VWA5B1: variants seen among roughly 807,000 people sequenced by gnomAD.
VWA5B1 encodes the protein von Willebrand factor A domain-containing protein 5B1.
Under a neutral mutation model 118.2 loss-of-function variants are expected in VWA5B1, and 115 were observed. The observed-to-expected ratio is 0.97, with a 90% CI of 0.84 to 1.14. The LOEUF is 1.14. Ranked by LOEUF, VWA5B1 falls within the 50% of genes most tolerant of loss-of-function variation. VWA5B1 has a pLI of 0.00. For missense variants in VWA5B1, 1,596 were observed against 1,603.8 expected (o/e 1.00, Z 0.08); for synonymous variants, 682 against 658.4 (o/e 1.04, Z -0.55).
Position 20,357,057 on chromosome 1 carries a change from C to A in VWA5B1, c.*2794C>A, listed in dbSNP as rs1191823301. Among the ~76,000 whole-genome samples the A allele has an allele frequency of 1.3e-5, 2 of 152,214 alleles. No homozygotes were observed. The highest frequency in any genetic ancestry group is 4.8e-5 in the African/African-American group (2 of 41,452). ...AATCTGGTTTAACTTGCTAAACCAG[C>A]CCTTGCTTTCTAGGTCATACAAAGG... On this transcript the variant is annotated 3_prime_UTR_variant, in exon 22 of 22. Transcript: ENST00000289815.
intron 1 of VWA5B1, among the ~76,000 whole-genome samples, chr1:20,300,330 C>T (rs969793997): frequency 6.6e-6 from 1 of 152,152 alleles, no homozygotes; most frequent in Non-Finnish European, 1.5e-5. Flanking sequence ...TGGGTTGTCT[C>T]TCAGAGCAGC....
intron 1 of VWA5B1, among the ~76,000 whole-genome samples, chr1:20,308,439 C>G (rs944287255): frequency 8.5e-5 from 13 of 152,122 alleles, no homozygotes; most frequent in Non-Finnish European, 1.6e-4. Flanking sequence ...GCTGCGTTCC[C>G]CAATCAGCAT....
chr1:20,352,247 C>G, intron 21 of VWA5B1, 75 bp downstream of exon 21: 1 of 1,066,354 alleles, frequency 9.4e-7, no homozygotes, highest in East Asian at 2.7e-5. Context: ...ATCCCCCTGC[C>G]CACCTCTCCA....
chr1:20,318,612 G>T lies in VWA5B1; in HGVS notation c.732G>T (p.Glu244Asp). The change falls in exon 6 of 22, where the codon GAG becomes GAT. Residue 244 changes from glutamate (E) to aspartate (D), a missense_variant. Glu to Asp is a conservative substitution (Grantham distance 45). Transcript: ENST00000289815. The part of the protein sequence containing the change: ...LLAGVESPTH[E>D]IRADAAPSAR... ...CAGGGGTGGAGAGTCCCACTCATGA[G>T]ATTCGTGCCGACGCCGCCCCATCTG... 6.4e-7 allele frequency: 1 copy of T among 1,551,358 alleles called. No homozygotes were observed.
chr1:20,343,863 C>G (rs1271283727), intron 16 of VWA5B1, among the ~76,000 whole-genome samples: 4 of 101,216 alleles, frequency 4.0e-5, no homozygotes, highest in African/African-American at 1.3e-4. Flanking sequence ...CTCGCCTCTC[C>G]GGCCTCCAGG....
rs2090232108 is a variant in VWA5B1 at position 20,356,494 on chromosome 1, G to A, written c.*2231G>A. ...CCAGCACCTCCCTGCCCCACCAGAT[G>A]AGTCTGATTCTGGGTCTCCAGGCCT... On this transcript the variant is annotated 3_prime_UTR_variant, in exon 22 of 22. Transcript: ENST00000289815. Among the ~76,000 whole-genome samples, 1 of 152,204 alleles carries A rather than the reference G, an allele frequency of 6.6e-6. No individual in the cohort carries two copies. Among genetic ancestry groups the A allele is most frequent in the African/African-American group, 2.4e-5 (1 of 41,454 alleles).
chr1:20,323,804 G>A (rs1028025169), intron 8 of VWA5B1, among the ~76,000 whole-genome samples: 1 of 152,226 alleles, frequency 6.6e-6, no homozygotes, highest in Admixed American at 6.5e-5. Context: ...AGTAGGTACT[G>A]AGTGGAGCAG....
chr1:20,298,731 TG>T (rs1483046777), intron 1 of VWA5B1, among the ~76,000 whole-genome samples: 2 of 152,274 alleles, frequency 1.3e-5, no homozygotes, highest in East Asian at 3.9e-4. Flanking sequence ...GAGGAGCTCC[TG>T]ATGCCCAGGC....
chr1:20,320,537 G>GCCAGTGGGGC (rs1406448541), intron 7 of VWA5B1, among the ~76,000 whole-genome samples: 2 of 152,248 alleles, frequency 1.3e-5, no homozygotes, highest in African/African-American at 4.8e-5. Flanking sequence ...CTGCCTATGG[G>GCCAGTGGGGC]CCAGTGGGGC....
At chr1:20,323,302 C>A in intron 7 of VWA5B1, 54 bp from the exon 8 acceptor site, 1 of 1,387,926 alleles carries the variant, frequency 7.2e-7, no homozygotes, top group Non-Finnish European at 9.4e-7. Flanking sequence ...CATGAGTCCC[C>A]AGGAGTACCT....
chr1:20,321,583 C>T (rs1158243638), intron 7 of VWA5B1, among the ~76,000 whole-genome samples: 1 of 151,682 alleles, frequency 6.6e-6, no homozygotes, highest in Non-Finnish European at 1.5e-5. Context: ...GACTCTGTCT[C>T]AAAAAAATAA....
At chr1:20,296,297 T>C (rs891440977) in intron 1 of VWA5B1, among the ~76,000 whole-genome samples, 3 of 152,228 alleles carry the variant, frequency 2.0e-5, no homozygotes, top group Admixed American at 2.0e-4. Context: ...CCAATACCCA[T>C]GTCCATCAGT....
At chr1:20,342,133 A>AAAC (rs2089890560) in intron 14 of VWA5B1, among the ~76,000 whole-genome samples, 1 of 150,774 alleles carries the variant, frequency 6.6e-6, no homozygotes, top group South Asian at 2.1e-4. Flanking sequence ...TTATGGCAAA[A>AAAC]AAAAAAAAAA....
chr1:20,299,083 T>C (rs2088457828), intron 1 of VWA5B1, among the ~76,000 whole-genome samples: 1 of 152,216 alleles, frequency 6.6e-6, no homozygotes, highest in African/African-American at 2.4e-5. Flanking sequence ...GAGGGATCCA[T>C]GTGATCATAC....
chr1:20,304,242 G>A (rs2088580321), intron 1 of VWA5B1, among the ~76,000 whole-genome samples: 1 of 152,188 alleles, frequency 6.6e-6, no homozygotes, highest in South Asian at 2.1e-4. Context: ...CAAGCCCGGA[G>A]GAGAGCGTGT....
chr1:20,315,716 G>A (rs978878385), intron 4 of VWA5B1, among the ~76,000 whole-genome samples: 2 of 152,208 alleles, frequency 1.3e-5, no homozygotes, highest in African/African-American at 4.8e-5. Flanking sequence ...CAGCAGAAAG[G>A]CTGGTGTGGC....
intron 7 of VWA5B1, among the ~76,000 whole-genome samples, chr1:20,320,543 G>T (rs1422634501): frequency 6.6e-6 from 1 of 152,250 alleles, no homozygotes; most frequent in African/African-American, 2.4e-5. Context: ...ATGGGCCAGT[G>T]GGGCCCAGTG....
chr1:20,316,586 G>T (rs1270352330), intron 4 of VWA5B1, among the ~76,000 whole-genome samples: 1 of 152,182 alleles, frequency 6.6e-6, no homozygotes, highest in Non-Finnish European at 1.5e-5. Flanking sequence ...GACCTTAGGG[G>T]GTGTGCCTGT....
At chr1:20,326,512 C>A (rs1221117622) in intron 8 of VWA5B1, among the ~76,000 whole-genome samples, 1 of 152,162 alleles carries the variant, frequency 6.6e-6, no homozygotes, top group African/African-American at 2.4e-5. Flanking sequence ...GTTGCCCAGG[C>A]TGGAGTGCAG....
Sources: allele counts gnomAD v4.1 joint callset (sites outside exome capture counted in the v4.1 genomes callset), GRCh38; gene constraint gnomAD v4.1.1; transcripts MANE v1.5; gene names NCBI Gene and HGNC (gene_info 2026-07-23, HGNC 2026-07-21).